ZBTB20: variants seen among roughly 807,000 people sequenced by gnomAD.
ZBTB20 encodes the protein zinc finger and BTB domain-containing protein 20.
A neutral mutation model predicts 56.9 loss-of-function variants in ZBTB20; 9 were observed. The ratio of observed to expected loss-of-function variants is 0.16; its 90% CI spans 0.10 to 0.28. The LOEUF (loss-of-function observed/expected upper bound fraction) is 0.28. Among genes scored for constraint, ZBTB20 ranks in the 10% least tolerant of loss-of-function variants. ZBTB20 has a pLI of 1.00. For synonymous variants in ZBTB20, 417 were observed against 420.7 expected (o/e 0.99, Z 0.11); for missense variants, 655 against 1,003.0 (o/e 0.65, Z 4.69).
Position 114,332,872 on chromosome 3 carries a change from T to C in ZBTB20, c.*6133A>G, listed in dbSNP as rs893766483. The stretch of plus-strand genomic sequence containing the variant: ...TTTAGTCAGTGGTGTGGAAAGATAA[T>C]GTTTCTTGTTTCAACCCAGGGCATT... On this transcript the variant is annotated 3_prime_UTR_variant, in exon 12 of 12. Transcript: ENST00000675478. 2 of 152,184 alleles carry C rather than the reference T, an allele frequency of 1.3e-5. No homozygotes were observed. The highest frequency in any genetic ancestry group is 2.9e-5 in the Non-Finnish European group (2 of 68,026). 9.4% of individuals were successfully genotyped at this position (152,184 alleles called of 1,614,324 possible). A position where few individuals can be genotyped will look rare whatever the true frequency, so the allele number is the denominator to read the frequency against.
intron 3 of ZBTB20, among the ~76,000 whole-genome samples, chr3:114,903,948 T>C (rs1037366399): frequency 1.3e-5 from 2 of 152,060 alleles, no homozygotes; most frequent in African/African-American, 2.4e-5. Context: ...TGCATACTGA[T>C]GTTGTTCTAG....
intron 5 of ZBTB20, among the ~76,000 whole-genome samples, chr3:114,764,440 C>A (rs1270251195): frequency 6.6e-6 from 1 of 152,132 alleles, no homozygotes; most frequent in Non-Finnish European, 1.5e-5. Context: ...CATGGGCTAC[C>A]CTTGATAGGT....
chr3:115,143,386 C>T (rs1470806343), intron 1 of ZBTB20, among the ~76,000 whole-genome samples: 2 of 152,086 alleles, frequency 1.3e-5, no homozygotes, highest in Admixed American at 6.5e-5. Context: ...ACAACTGAAA[C>T]TAGGCATGGT....
intron 4 of ZBTB20, among the ~76,000 whole-genome samples, chr3:114,859,362 CTCCT>C (rs2075402147): frequency 6.9e-6 from 1 of 145,936 alleles, no homozygotes; most frequent in South Asian, 2.2e-4. Flanking sequence ...TCCCTCTCTT[CTCCT>C]TCCTTTCTTC....
At chr3:114,392,083 A>C (rs2085927823) in intron 7 of ZBTB20, among the ~76,000 whole-genome samples, 1 of 152,260 alleles carries the variant, frequency 6.6e-6, no homozygotes, top group Non-Finnish European at 1.5e-5. Context: ...TTTAAAAAAC[A>C]AGGAAGCAAA....
intron 4 of ZBTB20, among the ~76,000 whole-genome samples, chr3:114,890,892 C>T (rs640975): frequency 0.93 from 141,396 of 152,212 alleles, 65,843 homozygotes; most frequent in East Asian, 1. Flanking sequence ...GACTATGCCA[C>T]ATAATTCCAA....
chr3:115,046,674 T>C (rs1225758301), intron 2 of ZBTB20, among the ~76,000 whole-genome samples: 1 of 152,200 alleles, frequency 6.6e-6, no homozygotes, highest in Non-Finnish European at 1.5e-5. Context: ...TTTTCATTCA[T>C]AGTTGCAAAA....
chr3:114,804,944 T>C (rs950260725), intron 4 of ZBTB20, among the ~76,000 whole-genome samples: 37 of 151,954 alleles, frequency 2.4e-4, no homozygotes, highest in Admixed American at 2.4e-3. Flanking sequence ...TCTTTTCTTT[T>C]TATAACTGGT....
chr3:114,512,510 T>C (rs886838590), intron 6 of ZBTB20, among the ~76,000 whole-genome samples: 3 of 152,170 alleles, frequency 2.0e-5, no homozygotes, highest in Non-Finnish European at 4.4e-5. Context: ...TATAACCACC[T>C]GCCATGATGA....
intron 4 of ZBTB20, among the ~76,000 whole-genome samples, chr3:114,816,938 C>T (rs543497311): frequency 1.3e-4 from 20 of 152,080 alleles, no homozygotes; most frequent in African/African-American, 4.3e-4. Flanking sequence ...TGACATTTGT[C>T]TATCCAGTGT....
At chr3:114,566,004 C>CTTTTTTT (rs200912033) in intron 6 of ZBTB20, among the ~76,000 whole-genome samples, 1 of 143,174 alleles carries the variant, frequency 7.0e-6, no homozygotes. Flanking sequence ...TACATTTTTT[C>CTTTTTTT]TTTTTTTTTC....
intron 5 of ZBTB20, among the ~76,000 whole-genome samples, chr3:114,700,700 A>C (rs1002554855): frequency 3.9e-5 from 6 of 152,192 alleles, no homozygotes; most frequent in Non-Finnish European, 8.8e-5. Context: ...AAAAGTCAGA[A>C]AGACCTGCAC....
chr3:114,349,846 A>G (rs1045390210), intron 11 of ZBTB20, among the ~76,000 whole-genome samples: 1 of 152,258 alleles, frequency 6.6e-6, no homozygotes, highest in Non-Finnish European at 1.5e-5. Context: ...AGGAAACTGA[A>G]GTATAGACAA....
In ZBTB20 at chr3:114,605,649, C is replaced by A. The variant is rs560571241; in HGVS notation, c.-295+87879G>T. 7.1e-4 allele frequency among the ~76,000 whole-genome samples: 108 copies of A among 152,174 alleles called. 1 individual carries two copies. Among genetic ancestry groups the A allele is most frequent in the Middle Eastern group, 3.4e-3 (1 of 294 alleles). On this transcript the variant is annotated intron_variant, in intron 6 of 11. Coordinates refer to ENST00000675478, the MANE Select transcript of ZBTB20 (RefSeq NM_001348800.3). ...ATTATAACACAGGGTGAATAACCTG[C>A]TGTAATTGACTTAAGCATAAATAGC...
At chr3:114,447,141 G>A (rs1441391902) in intron 7 of ZBTB20, among the ~76,000 whole-genome samples, 2 of 152,112 alleles carry the variant, frequency 1.3e-5, no homozygotes, top group East Asian at 3.9e-4. Flanking sequence ...ACAGATACTG[G>A]AAATCTATTT....
rs1445356470 is a variant in ZBTB20, at chr3:114,339,771, T to C, written c.1805-345A>G. ...CTTTTGAAGGGGGTCACTTTCAGTG[T>C]CCTGATTAGGGGATTTAGTGTTTCC... On this transcript the variant is annotated intron_variant, in intron 11 of 11. Coordinates refer to ENST00000675478, the MANE Select transcript of ZBTB20 (RefSeq NM_001348800.3). The surrounding 1 kb of genome is among the most constrained non-coding windows in gnomAD (Gnocchi z 4.2). Among the ~76,000 whole-genome samples the C allele has an allele frequency of 1.3e-5, 2 of 152,212 alleles. No individual in the cohort carries two copies. Among genetic ancestry groups the C allele is most frequent in the African/African-American group, 4.8e-5 (2 of 41,454 alleles).
At chr3:114,616,006 A>G (rs2057914277) in intron 6 of ZBTB20, among the ~76,000 whole-genome samples, 1 of 152,214 alleles carries the variant, frequency 6.6e-6, no homozygotes, top group African/African-American at 2.4e-5. Context: ...GTTTCACTAA[A>G]GCAGAATTTA....
In ZBTB20 at chr3:114,514,490, T is replaced by A. The variant is rs193090218; in HGVS notation, c.-294-14099A>T. Among the ~76,000 whole-genome samples the A allele has an allele frequency of 1.3e-3, 205 of 152,290 alleles. 4 individuals are homozygous for A. Among genetic ancestry groups the A allele is most frequent in the African/African-American group, 4.8e-3 (201 of 41,554 alleles). On this transcript the variant is annotated intron_variant, in intron 6 of 11. Transcript: ENST00000675478. ...CGAATACCAGAGAGAGACACCCAGG[T>A]TCATCTAAATGTATAGGGCATGAGG...
chr3:114,721,129 G>A (rs1425051432), intron 5 of ZBTB20, among the ~76,000 whole-genome samples: 3 of 152,144 alleles, frequency 2.0e-5, no homozygotes, highest in African/African-American at 7.2e-5. Context: ...GGAAAGATGG[G>A]TTGAGTGTGG....
Sources: allele counts gnomAD v4.1 joint callset (sites outside exome capture counted in the v4.1 genomes callset), GRCh38; gene constraint gnomAD v4.1.1; non-coding constraint Gnocchi (gnomAD v3.1); transcripts MANE v1.5; gene names NCBI Gene and HGNC (gene_info 2026-07-23, HGNC 2026-07-21).